NUGGC: variants seen among roughly 807,000 people sequenced by gnomAD.
The protein encoded by NUGGC is nuclear GTPase, germinal center associated, also known as nuclear GTPase SLIP-GC.
Under a neutral mutation model 92.6 loss-of-function variants are expected in NUGGC, and 58 were observed. That is an observed-to-expected ratio of 0.63 (90% CI 0.51 to 0.78). NUGGC has a LOEUF of 0.78. Among genes scored for constraint, NUGGC ranks in the 30% least tolerant of loss-of-function variants. The pLI is 0.00. For missense variants in NUGGC, 925 were observed against 964.6 expected (o/e 0.96, Z 0.54); for synonymous variants, 376 against 366.4 (o/e 1.03, Z -0.30).
At chr8:28,067,852 G>T in intron 5 of NUGGC, 108 bp from the exon 6 acceptor site, 1 of 800,878 alleles carries the variant, frequency 1.2e-6, no homozygotes. Flanking sequence ...TGCATATTCA[G>T]AAAATCTAGG....
chr8:28,074,005 G>A (rs1023213230), intron 2 of NUGGC, among the ~76,000 whole-genome samples: 29 of 151,766 alleles, frequency 1.9e-4, no homozygotes, highest in African/African-American at 6.8e-4. Flanking sequence ...CACCATGTTG[G>A]TCAGGCTGGT....
intron 10 of NUGGC, among the ~76,000 whole-genome samples, chr8:28,051,158 A>C (rs375372123): frequency 6.6e-6 from 1 of 152,322 alleles, no homozygotes; most frequent in East Asian, 1.9e-4. Context: ...TCGCTAAAAG[A>C]AACCCCAGAT....
At chr8:28,049,975 T>A (rs1809948156) in intron 10 of NUGGC, among the ~76,000 whole-genome samples, 1 of 152,016 alleles carries the variant, frequency 6.6e-6, no homozygotes, top group African/African-American at 2.4e-5. Context: ...TAGTCCCAAC[T>A]ACTCGGGAGG....
At chr8:28,083,727 A>C (rs958994086) in intron 1 of NUGGC, 48 bp downstream of exon 1, 1 of 152,196 alleles carries the variant, frequency 6.6e-6, no homozygotes, top group African/African-American at 2.4e-5. Flanking sequence ...CATTTTTAAA[A>C]AATCAACCAC....
chr8:28,074,926 G>T (rs1031767296), intron 1 of NUGGC, among the ~76,000 whole-genome samples: 1 of 152,094 alleles, frequency 6.6e-6, no homozygotes, highest in Non-Finnish European at 1.5e-5. Flanking sequence ...ATGACAAAGC[G>T]AGACTCTGTC....
At chr8:28,025,745 T>C (rs1809243210) in intron 18 of NUGGC, among the ~76,000 whole-genome samples, 1 of 152,178 alleles carries the variant, frequency 6.6e-6, no homozygotes. Flanking sequence ...CATTGTGGCT[T>C]TGACTTTGGG....
chr8:28,023,088 AT>A lies in NUGGC; in HGVS notation c.*228del. The A allele has an allele frequency of 2.7e-6, 1 of 364,082 alleles. No individual in the cohort carries two copies. Among genetic ancestry groups the A allele is most frequent in the Non-Finnish European group, 4.9e-6 (1 of 205,056 alleles). 22.6% of individuals were successfully genotyped at this position (364,082 alleles called of 1,614,324 possible). On this transcript the variant is annotated 3_prime_UTR_variant, in exon 19 of 19. Transcript: ENST00000413272. ...CTGTCTCAAAAAAAAAAAAAAAAAA[AT>A]TACCCAGGTGTGGTGGCCTGTACCT...
At chr8:28,045,010 G>A (rs1280038617) in intron 12 of NUGGC, among the ~76,000 whole-genome samples, 1 of 152,196 alleles carries the variant, frequency 6.6e-6, no homozygotes, top group Non-Finnish European at 1.5e-5. Flanking sequence ...TACTTTTTCA[G>A]AAGGCCTGCA....
At chr8:28,076,888 G>T (rs903506029) in intron 1 of NUGGC, among the ~76,000 whole-genome samples, 5 of 152,186 alleles carry the variant, frequency 3.3e-5, no homozygotes, top group Non-Finnish European at 7.4e-5. Flanking sequence ...GCAGGTACAA[G>T]AAAGCATTTT....
In NUGGC at chr8:28,027,040, C is replaced by G; in HGVS notation, c.2167G>C (p.Glu723Gln). Reference protein sequence around the residue: ...QFQQLKTGIVEKVKGSITTML... With the variant: ...QFQQLKTGIVQKVKGSITTML... The stretch of plus-strand genomic sequence containing the variant: ...GTGGTGATGCTGCCCTTCACCTTCT[C>G]CACGATTCCAGTCTATGCAACAAGG... The change falls in exon 18 of 19, where the codon GAG becomes CAG. Residue 723 changes from glutamate (E) to glutamine (Q), a missense_variant. Transcript: ENST00000413272. 6.2e-6 allele frequency: 10 copies of G among 1,612,832 alleles called. No individual in the cohort carries two copies. Among genetic ancestry groups the G allele is most frequent in the Non-Finnish European group, 8.5e-6 (10 of 1,178,892 alleles).
At chr8:28,053,483 TG>T (rs1400647741) in intron 10 of NUGGC, among the ~76,000 whole-genome samples, 2 of 146,396 alleles carry the variant, frequency 1.4e-5, no homozygotes, top group African/African-American at 5.0e-5. Context: ...GAGACCCATC[TG>T]GGAAAAAAAA....
chr8:28,066,217 A>C (rs1233444218), intron 6 of NUGGC, among the ~76,000 whole-genome samples: 2 of 152,252 alleles, frequency 1.3e-5, no homozygotes, highest in Non-Finnish European at 2.9e-5. Context: ...AGACATGCTC[A>C]GTCTATGTTT....
intron 9 of NUGGC, among the ~76,000 whole-genome samples, chr8:28,057,944 C>A (rs1328406312): frequency 3.9e-5 from 6 of 152,140 alleles, no homozygotes; most frequent in African/African-American, 1.4e-4. Context: ...GTAATCCCAG[C>A]ACTTTGGGAG....
intron 13 of NUGGC, among the ~76,000 whole-genome samples, chr8:28,037,577 T>C (rs1809587745): frequency 6.6e-6 from 1 of 152,196 alleles, no homozygotes; most frequent in Non-Finnish European, 1.5e-5. Flanking sequence ...CCTTCTCTTC[T>C]GGAGAAAATG....
At chr8:28,038,821 A>G (rs976732212) in intron 13 of NUGGC, among the ~76,000 whole-genome samples, 13 of 152,146 alleles carry the variant, frequency 8.5e-5, no homozygotes, top group African/African-American at 3.1e-4. Context: ...GGCCTGGGTT[A>G]GATGTGGAGT....
At chr8:28,045,934 C>T (rs1240097436) in intron 11 of NUGGC, among the ~76,000 whole-genome samples, 1 of 152,178 alleles carries the variant, frequency 6.6e-6, no homozygotes, top group Non-Finnish European at 1.5e-5. Flanking sequence ...TAGTTGAAAA[C>T]ATGGGCTCTT....
chr8:28,073,484 A>G (rs550421211), intron 2 of NUGGC, among the ~76,000 whole-genome samples: 18 of 152,282 alleles, frequency 1.2e-4, no homozygotes, highest in African/African-American at 4.3e-4. Flanking sequence ...AAGGAAATCC[A>G]TCCCCTCGGA....
intron 1 of NUGGC, among the ~76,000 whole-genome samples, chr8:28,079,442 A>G (rs1335672349): frequency 1.3e-5 from 2 of 152,266 alleles, no homozygotes. Flanking sequence ...CAGGAGGCTG[A>G]TGCAGGAGAA....
At chr8:28,045,896 T>TA (rs1301716624) in intron 11 of NUGGC, among the ~76,000 whole-genome samples, 9 of 152,284 alleles carry the variant, frequency 5.9e-5, no homozygotes, top group East Asian at 1.9e-4. Context: ...TTAGCCGTAT[T>TA]AAAAAAACTA....
Sources: allele counts gnomAD v4.1 joint callset (sites outside exome capture counted in the v4.1 genomes callset), GRCh38; gene constraint gnomAD v4.1.1; transcripts MANE v1.5; gene names NCBI Gene and HGNC (gene_info 2026-07-23, HGNC 2026-07-21).